The following IMMP2L variants were observed in gnomAD, a reference collection of about 807,000 sequenced individuals.
IMMP2L encodes the protein inner mitochondrial membrane peptidase subunit 2, also known as mitochondrial inner membrane protease subunit 2.
In IMMP2L, 18 loss-of-function variants were observed where a neutral mutation model predicts 19.3. The ratio of observed to expected loss-of-function variants is 0.93; its 90% CI spans 0.64 to 1.38. The LOEUF (loss-of-function observed/expected upper bound fraction) is 1.38. IMMP2L is among the 40% of genes most tolerant of loss of function. The pLI, the probability that IMMP2L is intolerant of heterozygous loss-of-function variation, is 0.00. For synonymous variants in IMMP2L, 76 were observed against 73.0 expected (o/e 1.04, Z -0.21); for missense variants, 233 against 218.2 (o/e 1.07, Z -0.43).
At position 110,855,468 on chromosome 7, in the gene IMMP2L, C is replaced by T. The variant is rs542316466; in HGVS notation, c.408+31125G>A. The stretch of plus-strand genomic sequence containing the variant: ...GTTTGGACCTGGAGAAGTCATCTCA[C>T]TTCTCAGGACTTCATTTCGTAAGAC... On this transcript the variant is annotated intron_variant, in intron 5 of 5. Transcript: ENST00000405709. Among the ~76,000 whole-genome samples the T allele has an allele frequency of 4.3e-4, 66 of 152,108 alleles. 1 individual carries two copies. The highest frequency in any genetic ancestry group is 1.4e-3 in the African/African-American group (60 of 41,554).
chr7:111,255,194 A>G (rs1003760817), intron 3 of IMMP2L, among the ~76,000 whole-genome samples: 1 of 152,084 alleles, frequency 6.6e-6, no homozygotes, highest in African/African-American at 2.4e-5. Context: ...TTGGAGACAA[A>G]TATCTCTTCT....
intron 3 of IMMP2L, among the ~76,000 whole-genome samples, chr7:111,089,231 A>C (rs190777190): frequency 6.6e-6 from 1 of 152,276 alleles, no homozygotes; most frequent in Admixed American, 6.5e-5. Flanking sequence ...GATATTAGGT[A>C]TGACTGCAGT....
chr7:110,929,572 T>C (rs540716539), intron 4 of IMMP2L, among the ~76,000 whole-genome samples: 1 of 152,290 alleles, frequency 6.6e-6, no homozygotes, highest in African/African-American at 2.4e-5. Context: ...TGAGCATTAT[T>C]TGCAGATAAT....
chr7:110,731,508 C>T (rs918178009), intron 5 of IMMP2L, among the ~76,000 whole-genome samples: 1 of 152,090 alleles, frequency 6.6e-6, no homozygotes, highest in Non-Finnish European at 1.5e-5. Context: ...TGAACTCTAC[C>T]AGCAGTCTCT....
At chr7:111,422,617 G>T (rs949825344) in intron 3 of IMMP2L, among the ~76,000 whole-genome samples, 3 of 151,844 alleles carry the variant, frequency 2.0e-5, no homozygotes, top group Non-Finnish European at 2.9e-5. Context: ...GAGATTTTGG[G>T]TTGAGACGAT....
At chr7:110,718,884 T>C (rs2130753683) in intron 5 of IMMP2L, among the ~76,000 whole-genome samples, 1 of 152,218 alleles carries the variant, frequency 6.6e-6, no homozygotes, top group South Asian at 2.1e-4. Flanking sequence ...AAATTAAAAA[T>C]GCTAATATTT....
At chr7:111,555,389 T>TG (rs1461855715) in intron 1 of IMMP2L, among the ~76,000 whole-genome samples, 2 of 151,778 alleles carry the variant, frequency 1.3e-5, no homozygotes, top group African/African-American at 2.4e-5. Context: ...ATCTGACAGT[T>TG]GGGGTCAGAT....
At chr7:110,804,495 T>C (rs531666680) in intron 5 of IMMP2L, among the ~76,000 whole-genome samples, 1 of 151,972 alleles carries the variant, frequency 6.6e-6, no homozygotes, top group African/African-American at 2.4e-5. Context: ...TCTGGAACTC[T>C]GGTTTCTAAT....
intron 4 of IMMP2L, among the ~76,000 whole-genome samples, chr7:110,907,347 T>C (rs1328210256): frequency 6.6e-6 from 1 of 152,170 alleles, no homozygotes; most frequent in Non-Finnish European, 1.5e-5. Flanking sequence ...GAAGTCCAGC[T>C]GTCCCCGACC....
intron 3 of IMMP2L, among the ~76,000 whole-genome samples, chr7:111,064,251 A>G (rs1794291846): frequency 6.6e-6 from 1 of 152,206 alleles, no homozygotes. Flanking sequence ...CAGCTCAGGA[A>G]AAACCTGCCC....
chr7:110,878,661 T>C (rs1408567517), intron 5 of IMMP2L, among the ~76,000 whole-genome samples: 1 of 152,058 alleles, frequency 6.6e-6, no homozygotes, highest in African/African-American at 2.4e-5. Flanking sequence ...ATCTTGATTA[T>C]AACAACATAG....
chr7:110,790,641 C>T (rs1800400293), intron 5 of IMMP2L, among the ~76,000 whole-genome samples: 1 of 151,416 alleles, frequency 6.6e-6, no homozygotes, highest in Non-Finnish European at 1.5e-5. Context: ...GATTTTTGGC[C>T]TGAGCAAATG....
chr7:110,773,708 A>G (rs937264400), intron 5 of IMMP2L, among the ~76,000 whole-genome samples: 1 of 152,136 alleles, frequency 6.6e-6, no homozygotes, highest in Admixed American at 6.6e-5. Context: ...CAACTTGGCC[A>G]TCCAAATTGA....
At chr7:110,823,657 G>T (rs991732555) in intron 5 of IMMP2L, among the ~76,000 whole-genome samples, 1 of 151,986 alleles carries the variant, frequency 6.6e-6, no homozygotes, top group African/African-American at 2.4e-5. Flanking sequence ...TTCCTACTGT[G>T]ATGCAGTAAA....
chr7:111,543,442 A>G (rs1416918312), intron 1 of IMMP2L, among the ~76,000 whole-genome samples: 1 of 152,144 alleles, frequency 6.6e-6, no homozygotes, highest in African/African-American at 2.4e-5. Context: ...AAAAATATGT[A>G]TTGGGCAAAG....
At chr7:111,444,727 C>A (rs1838126746) in intron 3 of IMMP2L, among the ~76,000 whole-genome samples, 1 of 151,896 alleles carries the variant, frequency 6.6e-6, no homozygotes, top group South Asian at 2.1e-4. Flanking sequence ...CACTGTTAAC[C>A]CTGATGATAA....
At chr7:110,902,389 C>A (rs965005090) in intron 4 of IMMP2L, among the ~76,000 whole-genome samples, 2 of 112,090 alleles carry the variant, frequency 1.8e-5, no homozygotes, top group African/African-American at 3.8e-5. Flanking sequence ...ATGGTCCATA[C>A]TCCTTTAAAA....
At chr7:110,746,970 T>G (rs1395628108) in intron 5 of IMMP2L, among the ~76,000 whole-genome samples, 1 of 152,024 alleles carries the variant, frequency 6.6e-6, no homozygotes, top group Non-Finnish European at 1.5e-5. Context: ...CAGGAGGTAG[T>G]TTTTTGAAAA....
intron 3 of IMMP2L, among the ~76,000 whole-genome samples, chr7:111,238,727 G>C (rs775623436): frequency 1.3e-5 from 2 of 151,936 alleles, no homozygotes; most frequent in Non-Finnish European, 2.9e-5. Context: ...TTGTTACATA[G>C]AAAAATAGTT....
Sources: gnomAD v4.1 joint callset for allele counts (sites outside exome capture counted in the v4.1 genomes callset) on GRCh38, gnomAD v4.1.1 for gene constraint, MANE v1.5 for transcripts, NCBI Gene and HGNC (gene_info 2026-07-23, HGNC 2026-07-21) for gene names.